LAMA2: variants seen among roughly 807,000 people sequenced by gnomAD.
The protein encoded by LAMA2 is laminin subunit alpha-2.
A neutral mutation model predicts 364.8 loss-of-function variants in LAMA2; 269 were observed. The observed-to-expected ratio is 0.74, with a 90% confidence interval of 0.67 to 0.82. The LOEUF (loss-of-function observed/expected upper bound fraction) is 0.82. Ranked by LOEUF, LAMA2 falls within the 40% of genes least tolerant of loss-of-function variation. LAMA2 has a pLI of 0.00. For missense variants in LAMA2, 3,807 were observed against 3,873.2 expected (o/e 0.98, Z 0.45); for synonymous variants, 1,379 against 1,370.6 (o/e 1.01, Z -0.14).
chr6:129,385,972 C>T lies in LAMA2; in HGVS notation c.5071+2739C>T, dbSNP rs147658593. ...AGAATCCTATTTGTATTCCCTGCTA[C>T]GCGTAGTCTACTAAGATGCTTAGTA... On this transcript the variant is annotated intron_variant, in intron 35 of 64. Coordinates refer to ENST00000421865, the MANE Select transcript of LAMA2 (RefSeq NM_000426.4). Among the ~76,000 whole-genome samples the T allele has an allele frequency of 1.2e-4, 18 of 152,260 alleles. No homozygotes were observed. The East Asian group carries it at 1.9e-3, about 16-fold the overall frequency.
chr6:128,921,713 T>TTTTTTTA (rs1328311348), intron 1 of LAMA2, among the ~76,000 whole-genome samples: 8 of 144,928 alleles, frequency 5.5e-5, no homozygotes, highest in African/African-American at 2.0e-4. Context: ...TTTTTTTTTT[T>TTTTTTTA]ATTATTATTA....
At chr6:129,463,867 C>T (rs1388225985) in intron 49 of LAMA2, among the ~76,000 whole-genome samples, 1 of 151,916 alleles carries the variant, frequency 6.6e-6, no homozygotes, top group Non-Finnish European at 1.5e-5. Flanking sequence ...CCTTAATCGT[C>T]TGAATCTAAT....
chr6:129,250,735 A>G (rs1407296751), intron 13 of LAMA2, among the ~76,000 whole-genome samples: 1 of 152,130 alleles, frequency 6.6e-6, no homozygotes, highest in African/African-American at 2.4e-5. Context: ...CAAAGCCTGA[A>G]GTTTCCTTAG....
At chr6:128,899,551 A>G (rs1454191209) in intron 1 of LAMA2, among the ~76,000 whole-genome samples, 1 of 152,220 alleles carries the variant, frequency 6.6e-6, no homozygotes, top group East Asian at 1.9e-4. Flanking sequence ...ATGAAGAAGC[A>G]GCTCTTTTTG....
rs764233553 is a variant in LAMA2, at chr6:129,393,116, A to G, written c.5306A>G (p.Glu1769Gly). Residue 1769 changes from glutamate to glycine, a missense_variant, in exon 37 of 65, where the codon GAG (glutamate) becomes GGG (glycine). Around this residue, in one of 3 missense-constraint regions of LAMA2, gnomAD observed 3,333 missense variants for 3,345.7 expected, o/e 1.00. Transcript: ENST00000421865. Reference sequence around the variant, plus strand: ...TCCCGGGGGGAAAATGAAGAAATGGAGAAGGATCTCCGGGAAAAACTGGCT... The same window carrying G: ...TCCCGGGGGGAAAATGAAGAAATGGGGAAGGATCTCCGGGAAAAACTGGCT... ...GESRGENEEM[E>G]KDLREKLADY... 2.5e-6 allele frequency: 4 copies of G among 1,614,100 alleles called. No individual in the cohort carries two copies. The South Asian group carries it at 4.4e-5, about 18-fold the overall frequency.
chr6:129,350,496 G>T (rs1028916606), intron 31 of LAMA2, among the ~76,000 whole-genome samples: 3 of 152,218 alleles, frequency 2.0e-5, no homozygotes, highest in African/African-American at 7.2e-5. Context: ...CAGCGTGAGA[G>T]TACAAAAGTC....
intron 55 of LAMA2, among the ~76,000 whole-genome samples, chr6:129,482,925 G>A (rs2114842406): frequency 6.6e-6 from 1 of 152,140 alleles, no homozygotes; most frequent in Non-Finnish European, 1.5e-5. Flanking sequence ...AAATTAGCCA[G>A]GCATGGTAGC....
At chr6:129,103,242 CTTACTG>C (rs985793385) in intron 4 of LAMA2, among the ~76,000 whole-genome samples, 56 of 152,308 alleles carry the variant, frequency 3.7e-4, no homozygotes, top group African/African-American at 1.3e-3. Context: ...AGTGTTGACT[CTTACTG>C]TATAATCTAC....
intron 4 of LAMA2, among the ~76,000 whole-genome samples, chr6:129,100,955 T>A (rs965887574): frequency 1.3e-5 from 2 of 152,262 alleles, no homozygotes; most frequent in Non-Finnish European, 2.9e-5. Flanking sequence ...CTAAAAGTTT[T>A]GGATACTTTT....
At chr6:129,148,107 C>G (rs543135594) in intron 6 of LAMA2, among the ~76,000 whole-genome samples, 3 of 151,960 alleles carry the variant, frequency 2.0e-5, no homozygotes, top group Non-Finnish European at 2.9e-5. Context: ...TTAAAAATCC[C>G]TTTACTGTTA....
At position 129,223,069 on chromosome 6, in the gene LAMA2, T is replaced by C. The variant is rs139002636; in HGVS notation, c.1783-27043T>C. The stretch of plus-strand genomic sequence containing the variant: ...GTAGGATGGTATCTCATTGTGGTTT[T>C]GATTTGCATTTCTCTGATGGCCAGT... On this transcript the variant is annotated intron_variant, in intron 12 of 64. Transcript: ENST00000421865. 4.1e-3 allele frequency among the ~76,000 whole-genome samples: 628 copies of C among 152,354 alleles called. 5 individuals are homozygous for C. Among genetic ancestry groups the C allele is most frequent in the Admixed American group, 7.9e-3 (121 of 15,300 alleles).
chr6:128,894,836 A>G (rs537689486), intron 1 of LAMA2, among the ~76,000 whole-genome samples: 1 of 152,332 alleles, frequency 6.6e-6, no homozygotes, highest in East Asian at 1.9e-4. Flanking sequence ...TCCCACCACT[A>G]TTGCTTTTGC....
chr6:128,963,171 T>A (rs975061027), intron 1 of LAMA2, among the ~76,000 whole-genome samples: 2 of 152,054 alleles, frequency 1.3e-5, no homozygotes, highest in Non-Finnish European at 2.9e-5. Context: ...AACTAGATAA[T>A]CGTTAAAGCC....
intron 45 of LAMA2, among the ~76,000 whole-genome samples, chr6:129,450,156 C>CA (rs1562574886): frequency 6.9e-5 from 10 of 144,420 alleles, no homozygotes; most frequent in African/African-American, 2.3e-4. Context: ...CATGGAATCC[C>CA]GTTTTTTTTT....
intron 17 of LAMA2, among the ~76,000 whole-genome samples, chr6:129,274,533 C>T (rs1462159226): frequency 6.6e-6 from 1 of 151,770 alleles, no homozygotes; most frequent in Non-Finnish European, 1.5e-5. Flanking sequence ...TCTTATAGAT[C>T]ACAAGCATTT....
rs1426705603 is a variant in LAMA2, at chr6:129,144,097, C to A, written c.819+17C>A. ...ACCAGAAGAGTAAGTTATGATGAAT[C>A]ATATTAGAGCCTACAAATGATATCC... is the stretch of plus-strand genomic sequence containing the variant. On this transcript the variant is annotated intron_variant, in intron 5 of 64. Coordinates refer to ENST00000421865, the MANE Select transcript of LAMA2 (RefSeq NM_000426.4). The A allele has an allele frequency of 1.9e-6, 3 of 1,585,774 alleles. No individual in the cohort carries two copies. Among genetic ancestry groups the A allele is most frequent in the Admixed American group, 3.3e-5 (2 of 59,786 alleles).
chr6:128,954,692 A>G (rs1025292903), intron 1 of LAMA2, among the ~76,000 whole-genome samples: 13 of 152,030 alleles, frequency 8.6e-5, no homozygotes, highest in African/African-American at 2.7e-4. Context: ...AGTACAACAG[A>G]TAAGTAAGCC....
In LAMA2 at chr6:129,315,881, A is replaced by G; in HGVS notation, c.3855A>G (p.Arg1285=). 1.2e-6 allele frequency: 2 copies of G among 1,614,112 alleles called. No homozygotes were observed. The highest frequency in any genetic ancestry group is 1.7e-6 in the Non-Finnish European group (2 of 1,180,022). The change falls in exon 26 of 65, where the codon AGA becomes AGG. Residue 1285 remains arginine (R), a synonymous_variant. Coordinates refer to ENST00000421865, the MANE Select transcript of LAMA2 (RefSeq NM_000426.4). ...GAGGTGGGACACCTACTCATGCTAG[A>G]ATTATCGTCAGGCATATGGCTGCTC... ...IIRGGTPTHA[R]IIVRHMAAPL...
At position 129,349,351 on chromosome 6, in the gene LAMA2, G is replaced by C. The variant is rs772511086; in HGVS notation, c.4490G>C (p.Cys1497Ser). The stretch of plus-strand genomic sequence containing the variant: ...CTTGACGACTACCGCTGCACGGCTT[G>C]TCCACGGGGATATGAAGGCCAGTAC... The part of the protein sequence containing the change: ...EGLDDYRCTA[C>S]PRGYEGQYCE... The change falls in exon 31 of 65, where the codon TGT (cysteine) becomes TCT (serine). Residue 1497 changes from cysteine to serine, a missense_variant. By Grantham distance (112) the Cys-to-Ser change is moderately radical. Transcript: ENST00000421865. The C allele has an allele frequency of 6.2e-7, 1 of 1,613,616 alleles. No homozygotes were observed. Among genetic ancestry groups the C allele is most frequent in the Non-Finnish European group, 8.5e-7 (1 of 1,179,676 alleles).
Sources: allele counts gnomAD v4.1 joint callset (sites outside exome capture counted in the v4.1 genomes callset), GRCh38; gene constraint gnomAD v4.1.1; regional missense constraint gnomAD v4.1.1; transcripts MANE v1.5; gene names NCBI Gene and HGNC (gene_info 2026-07-23, HGNC 2026-07-21).